Variants in GABRB2 observed in about 807,000 individuals in gnomAD.
The protein encoded by GABRB2 is gamma-aminobutyric acid receptor subunit beta-2.
A neutral mutation model predicts 54.7 loss-of-function variants in GABRB2; 16 were observed. The observed-to-expected ratio is 0.29, with a 90% CI of 0.20 to 0.44. The LOEUF (loss-of-function observed/expected upper bound fraction) is 0.44. GABRB2 is among the 20% of genes least tolerant of loss of function. The pLI is 1.00. For synonymous variants in GABRB2, 244 were observed against 233.8 expected (o/e 1.04, Z -0.40); for missense variants, 355 against 644.0 (o/e 0.55, Z 4.86).
At chr5:161,496,500 GAGAAAAA>G (rs1416642221) in intron 3 of GABRB2, among the ~76,000 whole-genome samples, 1 of 145,486 alleles carries the variant, frequency 6.9e-6, no homozygotes, top group African/African-American at 2.5e-5. Context: ...AATTAAAAAA[GAGAAAAA>G]AGAAAAAAGA....
intron 5 of GABRB2, 91 bp downstream of exon 5, chr5:161,410,884 C>T (rs1180503453): frequency 1.1e-6 from 1 of 915,118 alleles, no homozygotes; most frequent in African/African-American, 1.7e-5. Context: ...CTTTGCAGGG[C>T]CTGTGGTCTG....
At chr5:161,332,745 A>G (rs930845982) in intron 7 of GABRB2, among the ~76,000 whole-genome samples, 1 of 152,152 alleles carries the variant, frequency 6.6e-6, no homozygotes, top group Non-Finnish European at 1.5e-5. Context: ...TTTCATTCCT[A>G]TGATTTTGGG....
intron 5 of GABRB2, among the ~76,000 whole-genome samples, chr5:161,352,201 G>A (rs1196036900): frequency 1.3e-5 from 2 of 151,546 alleles, no homozygotes; most frequent in African/African-American, 4.8e-5. Flanking sequence ...TGCACTACTG[G>A]GTATATATAC....
At chr5:161,313,817 G>A (rs777959796) in intron 9 of GABRB2, among the ~76,000 whole-genome samples, 4 of 152,160 alleles carry the variant, frequency 2.6e-5, no homozygotes, top group African/African-American at 4.8e-5. Context: ...TAGTGATTAA[G>A]GGACAGTCTT....
intron 9 of GABRB2, among the ~76,000 whole-genome samples, chr5:161,307,353 C>T (rs1580965505): frequency 6.6e-6 from 1 of 152,172 alleles, no homozygotes; most frequent in Non-Finnish European, 1.5e-5. Context: ...GAGGGCAAGG[C>T]ACATATTTGG....
intron 3 of GABRB2, among the ~76,000 whole-genome samples, chr5:161,480,159 C>T (rs1758718991): frequency 6.6e-6 from 1 of 151,950 alleles, no homozygotes; most frequent in Non-Finnish European, 1.5e-5. Flanking sequence ...TGAAGAATGA[C>T]ACAGCCCCCA....
chr5:161,437,909 T>G (rs1208913374), intron 4 of GABRB2, among the ~76,000 whole-genome samples: 1 of 151,990 alleles, frequency 6.6e-6, no homozygotes, highest in Non-Finnish European at 1.5e-5. Context: ...ACTTCTAAGG[T>G]TTTTGGCTCC....
intron 4 of GABRB2, among the ~76,000 whole-genome samples, chr5:161,426,268 A>G (rs1206442568): frequency 2.6e-5 from 4 of 152,138 alleles, no homozygotes; most frequent in African/African-American, 9.7e-5. Context: ...ACTGAGTGGA[A>G]GCAGAACCCT....
At chr5:161,315,952 A>C (rs1013189914) in intron 9 of GABRB2, among the ~76,000 whole-genome samples, 7 of 152,204 alleles carry the variant, frequency 4.6e-5, no homozygotes, top group African/African-American at 1.7e-4. Flanking sequence ...TTCCAAAGGG[A>C]AACTTGTTAA....
At chr5:161,401,785 C>G (rs557789852) in intron 5 of GABRB2, among the ~76,000 whole-genome samples, 1 of 152,042 alleles carries the variant, frequency 6.6e-6, no homozygotes, top group African/African-American at 2.4e-5. Context: ...TTCTCTATGA[C>G]GTGCAAACTG....
chr5:161,309,415 T>C (rs1757793265), intron 9 of GABRB2, among the ~76,000 whole-genome samples: 1 of 152,164 alleles, frequency 6.6e-6, no homozygotes, highest in Non-Finnish European at 1.5e-5. Flanking sequence ...GAAAGGAGTG[T>C]AAATTAGTTC....
intron 3 of GABRB2, among the ~76,000 whole-genome samples, chr5:161,506,345 A>T (rs1337673990): frequency 6.6e-6 from 1 of 152,170 alleles, no homozygotes; most frequent in African/African-American, 2.4e-5. Flanking sequence ...CAAATAAGGT[A>T]AAACTCCCAT....
intron 4 of GABRB2, among the ~76,000 whole-genome samples, chr5:161,427,069 CTT>C (rs1757021234): frequency 6.6e-6 from 1 of 152,118 alleles, no homozygotes; most frequent in Non-Finnish European, 1.5e-5. Flanking sequence ...TTCTGTTTCT[CTT>C]TCTCTTAAAA....
chr5:161,420,012 A>C (rs1303343318), intron 4 of GABRB2, among the ~76,000 whole-genome samples: 1 of 152,224 alleles, frequency 6.6e-6, no homozygotes, highest in Non-Finnish European at 1.5e-5. Flanking sequence ...AATATAGTTG[A>C]ACCAGAGTCT....
intron 5 of GABRB2, among the ~76,000 whole-genome samples, chr5:161,396,906 T>A (rs1453747894): frequency 6.6e-6 from 1 of 152,174 alleles, no homozygotes; most frequent in African/African-American, 2.4e-5. Context: ...CCAGTCTCCT[T>A]ATCTGTAAAA....
chr5:161,296,244 C>T (rs776256242), intron 9 of GABRB2, among the ~76,000 whole-genome samples: 13 of 152,174 alleles, frequency 8.5e-5, no homozygotes, highest in Non-Finnish European at 1.5e-4. Context: ...CTATCCTTTA[C>T]TGTTATTTCA....
intron 4 of GABRB2, among the ~76,000 whole-genome samples, chr5:161,428,165 T>G (rs1444940610): frequency 6.6e-6 from 1 of 152,058 alleles, no homozygotes; most frequent in African/African-American, 2.4e-5. Context: ...AAATCCTTTG[T>G]TTTGTTTTGT....
chr5:161,484,487 C>T (rs868706506), intron 3 of GABRB2, among the ~76,000 whole-genome samples: 5 of 151,874 alleles, frequency 3.3e-5, no homozygotes, highest in African/African-American at 7.3e-5. Context: ...CAGAGCAGAC[C>T]GGCTGGGGAG....
At chr5:161,379,165 G>T (rs1345442437) in intron 5 of GABRB2, among the ~76,000 whole-genome samples, 1 of 152,170 alleles carries the variant, frequency 6.6e-6, no homozygotes, top group Non-Finnish European at 1.5e-5. Context: ...GAGGTCTTCA[G>T]GAGCTGGTGC....
Sources: allele counts gnomAD v4.1 joint callset (sites outside exome capture counted in the v4.1 genomes callset), GRCh38; gene constraint gnomAD v4.1.1; transcripts MANE v1.5; gene names NCBI Gene and HGNC (gene_info 2026-07-23, HGNC 2026-07-21).